Variants in C1orf74 observed in about 807,000 individuals in gnomAD.
The protein encoded by C1orf74 is chromosome 1 open reading frame 74, also known as UPF0739 protein C1orf74.
Under a neutral mutation model 7.3 loss-of-function variants are expected in C1orf74, and 5 were observed. The observed-to-expected ratio is 0.68, with a 90% CI of 0.36 to 1.44. C1orf74 has a LOEUF of 1.44. Ranked by LOEUF, C1orf74 falls within the 40% of genes most tolerant of loss-of-function variation. C1orf74 has a pLI of 0.04. For missense variants in C1orf74, 291 were observed against 314.3 expected (o/e 0.93, Z 0.56); for synonymous variants, 121 against 132.5 (o/e 0.91, Z 0.59).
In C1orf74 at chr1:209,783,081, A is replaced by G. The variant is rs144114068; in HGVS notation, c.554T>C (p.Phe185Ser). 1.4e-5 allele frequency: 23 copies of G among 1,614,182 alleles called. No individual in the cohort carries two copies. The highest frequency in any genetic ancestry group is 2.5e-6 in the Non-Finnish European group (3 of 1,180,028). The part of the protein sequence containing the change: ...ILLGYPVPYT[F>S]HLNQGDDNCL... The stretch of plus-strand genomic sequence containing the variant: ...GTTGTCATCTCCCTGGTTCAGGTGA[A>G]AGGTATAGGGAACAGGATAGCCCAG... Residue 185 changes from phenylalanine (F) to serine (S), a missense_variant, in exon 2 of 2, where the codon TTT becomes TCT. Coordinates refer to ENST00000294811, the MANE Select transcript of C1orf74 (RefSeq NM_152485.4).
chr1:209,780,514 G>A lies in C1orf74; in HGVS notation c.*2311C>T. The A allele has an allele frequency of 6.2e-7, 1 of 1,602,566 alleles. No homozygotes were observed. The highest frequency in any genetic ancestry group is 8.5e-7 in the Non-Finnish European group (1 of 1,174,186). On this transcript the variant is annotated 3_prime_UTR_variant, in exon 2 of 2. Coordinates refer to ENST00000294811, the MANE Select transcript of C1orf74 (RefSeq NM_152485.4). The stretch of plus-strand genomic sequence containing the variant: ...GAGTCCAAAGTCCTTCCCTAACGAA[G>A]TGGAGCCTGAGGGTACAGGGAAGGA...
Position 209,783,288 on chromosome 1 carries a change from T to C in C1orf74, c.347A>G (p.Asp116Gly). The C allele has an allele frequency of 6.2e-7, 1 of 1,614,128 alleles. No individual in the cohort carries two copies. The highest frequency in any genetic ancestry group is 1.1e-5 in the South Asian group (1 of 91,074). The change falls in exon 2 of 2, where the codon GAT (aspartate) becomes GGT (glycine). Residue 116 changes from aspartate (D) to glycine (G), a missense_variant. Physicochemically the swap from Asp to Gly is moderately conservative, Grantham distance 94 (BLOSUM62 -1). Transcript: ENST00000294811. ...QVLLGTIAFV[D>G]VSSCQRHPSV... is the part of the protein sequence containing the mutation. ...AGGGTGACGCTGGCAGCTGGAAACA[T>C]CCACAAAGGCTATGGTACCAAGCAG...
Position 209,781,357 on chromosome 1 carries a change from C to A in C1orf74, c.*1468G>T, listed in dbSNP as rs774943065. On this transcript the variant is annotated 3_prime_UTR_variant, in exon 2 of 2. Coordinates refer to ENST00000294811, the MANE Select transcript of C1orf74 (RefSeq NM_152485.4). Reference sequence around the variant, plus strand: ...ATGTTCTCCCCAGTGCAGAGAACTGCATTCAGAATTAGACAACCTCAGTGA... The same window carrying A: ...ATGTTCTCCCCAGTGCAGAGAACTGAATTCAGAATTAGACAACCTCAGTGA... The A allele has an allele frequency of 2.5e-6, 4 of 1,611,858 alleles. No homozygotes were observed. The South Asian group carries it at 4.4e-5, about 18-fold the overall frequency.
intron 1 of C1orf74, 125 bp from the exon 2 acceptor site, chr1:209,783,834 C>A: frequency 2.0e-6 from 1 of 503,980 alleles, no homozygotes; most frequent in Non-Finnish European, 3.6e-6. Context: ...ATAGTTTCAC[C>A]GATGCTGCTT....
At position 209,781,728 on chromosome 1, in the gene C1orf74, G is replaced by A. The variant is rs1442201005; in HGVS notation, c.*1097C>T. 8.3e-6 allele frequency: 4 copies of A among 483,688 alleles called. No homozygotes were observed. Among genetic ancestry groups the A allele is most frequent in the African/African-American group, 5.8e-5 (3 of 51,680 alleles). 30.0% of individuals were successfully genotyped at this position (483,688 alleles called of 1,614,324 possible). ...AGGGTGTTCTTTTAGCCGATGATAA[G>A]CATGGTGGCAAGAACAGAAGGACAC... On this transcript the variant is annotated 3_prime_UTR_variant, in exon 2 of 2. Transcript: ENST00000294811.
Position 209,780,594 on chromosome 1 carries a change from C to T in C1orf74, c.*2231G>A. The T allele has an allele frequency of 6.3e-7, 1 of 1,586,840 alleles. No homozygotes were observed. Among genetic ancestry groups the T allele is most frequent in the East Asian group, 2.3e-5 (1 of 43,420 alleles). The stretch of plus-strand genomic sequence containing the variant: ...AAAAGAAGACTTTGCAGCTCCAGGC[C>T]AAGGAAAAGGAGGTGAGAGGGTGAC... On this transcript the variant is annotated 3_prime_UTR_variant, in exon 2 of 2. Transcript: ENST00000294811.
chr1:209,781,548 G>A lies in C1orf74; in HGVS notation c.*1277C>T, dbSNP rs114736211. 1,423 of 893,776 alleles carry A rather than the reference G, an allele frequency of 1.6e-3. 3 individuals carry two copies. Among genetic ancestry groups the A allele is most frequent in the Non-Finnish European group, 2.3e-3 (1,247 of 548,246 alleles). 55.4% of individuals were successfully genotyped at this position (893,776 alleles called of 1,614,324 possible). ...TTGCACATAAAATATATCAGCCCAC[G>A]CCAACAACTGGCCATCCTGTCCCAC... On this transcript the variant is annotated 3_prime_UTR_variant, in exon 2 of 2. Coordinates refer to ENST00000294811, the MANE Select transcript of C1orf74 (RefSeq NM_152485.4).
chr1:209,783,460 T>A lies in C1orf74; in HGVS notation c.175A>T (p.Asn59Tyr). 6.2e-7 allele frequency: 1 copy of A among 1,614,138 alleles called. No homozygotes were observed. The highest frequency in any genetic ancestry group is 2.2e-5 in the East Asian group (1 of 44,878). The change falls in exon 2 of 2, where the codon AAC (asparagine) becomes TAC (tyrosine). Residue 59 changes from asparagine (N) to tyrosine (Y), a missense_variant. Transcript: ENST00000294811. Reference protein sequence around the residue: ...GLKPAVLYDCNCAGASELQSY... With the variant: ...GLKPAVLYDCYCAGASELQSY... ...TGGAGCTCTGATGCCCCTGCACAGT[T>A]GCAATCATAGAGCACAGCTGGCTTC...
chr1:209,781,438 A>T lies in C1orf74; in HGVS notation c.*1387T>A. On this transcript the variant is annotated 3_prime_UTR_variant, in exon 2 of 2. Transcript: ENST00000294811. ...GCACTGTCGAGAAGAGCTGAACCAG[A>T]GCCAGCAGCTGCCTCCCAGAGTAAG... 6.2e-7 allele frequency: 1 copy of T among 1,613,436 alleles called. No individual in the cohort carries two copies. The highest frequency in any genetic ancestry group is 1.1e-5 in the South Asian group (1 of 91,060).
At position 209,782,905 on chromosome 1, in the gene C1orf74, T is replaced by A; in HGVS notation, c.730A>T (p.Thr244Ser). Reference protein sequence around the residue: ...ILNTWEKDLRTRFRTQNDFAD... With the variant: ...ILNTWEKDLRSRFRTQNDFAD... ...AAGTCATTCTGAGTCCTAAATCGGG[T>A]TCTGAGGTCCTTCTCCCAGGTGTTT... The change falls in exon 2 of 2, where the codon ACC (threonine) becomes TCC (serine). Residue 244 changes from threonine (T) to serine (S), a missense_variant. Coordinates refer to ENST00000294811, the MANE Select transcript of C1orf74 (RefSeq NM_152485.4). 6.2e-7 allele frequency: 1 copy of A among 1,614,058 alleles called. No individual in the cohort carries two copies. Among genetic ancestry groups the A allele is most frequent in the Non-Finnish European group, 8.5e-7 (1 of 1,180,012 alleles).
chr1:209,783,109 G>A lies in C1orf74; in HGVS notation c.526C>T (p.Leu176Phe). The A allele has an allele frequency of 6.2e-7, 1 of 1,614,176 alleles. No homozygotes were observed. Among genetic ancestry groups the A allele is most frequent in the Non-Finnish European group, 8.5e-7 (1 of 1,180,038 alleles). ...GTATAGGGAACAGGATAGCCCAGGA[G>A]GATCCCAAATACAGTACACAGATTC... ...DWNLCTVFGI[L>F]LGYPVPYTFH... Residue 176 changes from leucine to phenylalanine, a missense_variant, in exon 2 of 2, where the codon CTC becomes TTC. Coordinates refer to ENST00000294811, the MANE Select transcript of C1orf74 (RefSeq NM_152485.4).
chr1:209,782,488 A>G lies in C1orf74; in HGVS notation c.*337T>C. On this transcript the variant is annotated 3_prime_UTR_variant, in exon 2 of 2. Transcript: ENST00000294811. ...GCACCCACATAGAGCAGGTATATTT[A>G]CAAGGTTACCATGCAAGAGTGTTTG... is the stretch of plus-strand genomic sequence containing the variant. 2.1e-6 allele frequency: 1 copy of G among 469,416 alleles called. No homozygotes were observed. Among genetic ancestry groups the G allele is most frequent in the Non-Finnish European group, 3.9e-6 (1 of 259,518 alleles). The allele number at this position is 469,416 out of a possible 1,614,324, so 29.1% of individuals were successfully genotyped here.
Position 209,783,582 on chromosome 1 carries a change from G to A in C1orf74, c.53C>T (p.Ala18Val). 2 of 1,611,766 alleles carry A rather than the reference G, an allele frequency of 1.2e-6. No individual in the cohort carries two copies. The highest frequency in any genetic ancestry group is 1.7e-6 in the Non-Finnish European group (2 of 1,179,144). Residue 18 changes from alanine to valine, a missense_variant, in exon 2 of 2, where the codon GCT becomes GTT. By Grantham distance (64) the Ala-to-Val change is moderately conservative (BLOSUM62 0). Coordinates refer to ENST00000294811, the MANE Select transcript of C1orf74 (RefSeq NM_152485.4). ...TCCCATGCCAAGGGTCTGCTGAGCA[G>A]CTGCCACCAGCAGCTGAGGGCTCGG... ...SSPSPQLLVA[A>V]AQQTLGMGKR...
In C1orf74 at chr1:209,783,261, G is replaced by A; in HGVS notation, c.374C>T (p.Ser125Phe). ...VDVSSCQRHP[S>F]VCSLDQLQDL... ...CTGAAGCTGGTCCAGGGAGCAGACA[G>A]AAGGGTGACGCTGGCAGCTGGAAAC... Residue 125 changes from serine to phenylalanine, a missense_variant, in exon 2 of 2, where the codon TCT becomes TTT. By Grantham distance (155) the Ser-to-Phe change is radical. Transcript: ENST00000294811. 2 of 1,614,204 alleles carry A rather than the reference G, an allele frequency of 1.2e-6. 1 individual carries two copies. The highest frequency in any genetic ancestry group is 3.3e-5 in the Admixed American group (2 of 60,018).
At position 209,783,264 on chromosome 1, in the gene C1orf74, G is replaced by A. The variant is rs754227770; in HGVS notation, c.371C>T (p.Pro124Leu). The A allele has an allele frequency of 1.2e-6, 2 of 1,614,198 alleles. No individual in the cohort carries two copies. Among genetic ancestry groups the A allele is most frequent in the Non-Finnish European group, 1.7e-6 (2 of 1,180,030 alleles). The change falls in exon 2 of 2, where the codon CCT becomes CTT. Residue 124 changes from proline (P) to leucine (L), a missense_variant. Pro to Leu is a moderately conservative substitution (Grantham distance 98). Transcript: ENST00000294811. ...FVDVSSCQRH[P>L]SVCSLDQLQD... ...AAGCTGGTCCAGGGAGCAGACAGAAGGGTGACGCTGGCAGCTGGAAACATC... is the reference window on the plus strand; with the variant it reads ...AAGCTGGTCCAGGGAGCAGACAGAAAGGTGACGCTGGCAGCTGGAAACATC...
chr1:209,780,683 G>A lies in C1orf74; in HGVS notation c.*2142C>T, dbSNP rs1172389265. 7.3e-7 allele frequency: 1 copy of A among 1,364,388 alleles called. No homozygotes were observed. Among genetic ancestry groups the A allele is most frequent in the Admixed American group, 2.7e-5 (1 of 37,428 alleles). 84.5% of individuals were successfully genotyped at this position (1,364,388 alleles called of 1,614,324 possible). ...ACCTGGGAGGCAGTCAAAAAGCAGG[G>A]ATTTCAAAGTTTAAGTTGTGAGTGG... On this transcript the variant is annotated 3_prime_UTR_variant, in exon 2 of 2. Transcript: ENST00000294811.
Position 209,782,994 on chromosome 1 carries a change from G to C in C1orf74, c.641C>G (p.Pro214Arg), listed in dbSNP as rs761364416. 3.7e-6 allele frequency: 6 copies of C among 1,614,180 alleles called. No individual in the cohort carries two copies. Among genetic ancestry groups the C allele is most frequent in the Non-Finnish European group, 5.1e-6 (6 of 1,180,040 alleles). The change falls in exon 2 of 2, where the codon CCC becomes CGC. Residue 214 changes from proline to arginine, a missense_variant. Coordinates refer to ENST00000294811, the MANE Select transcript of C1orf74 (RefSeq NM_152485.4). ...TARISWLLGQPPILLYSFSVP... is the reference protein window; with the variant it reads ...TARISWLLGQRPILLYSFSVP... The stretch of plus-strand genomic sequence containing the variant: ...ACTAAAAGAATAGAGCAGGATTGGG[G>C]GTTGACCTAGCAACCATGAGATCCG...
chr1:209,783,639 A>G lies in C1orf74; in HGVS notation c.-5T>C. On this transcript the variant is annotated 5_prime_UTR_variant, in exon 2 of 2. Transcript: ENST00000294811. Reference sequence around the variant, plus strand: ...CATGAGATCTAGAAGCAACATCAAGAATGGCCTCCTTAGCTAGCCCGAGTT... The same window carrying G: ...CATGAGATCTAGAAGCAACATCAAGGATGGCCTCCTTAGCTAGCCCGAGTT... 1 of 1,568,616 alleles carries G rather than the reference A, an allele frequency of 6.4e-7. No individual in the cohort carries two copies. Among genetic ancestry groups the G allele is most frequent in the East Asian group, 2.2e-5 (1 of 44,448 alleles).
rs1239553675 is a variant in C1orf74, at chr1:209,780,704, A to C, written c.*2121T>G. 1.7e-6 allele frequency: 2 copies of C among 1,168,188 alleles called. No homozygotes were observed. The highest frequency in any genetic ancestry group is 2.3e-6 in the Non-Finnish European group (2 of 873,130). 72.4% of individuals were successfully genotyped at this position (1,168,188 alleles called of 1,614,324 possible). A position where few individuals can be genotyped will look rare whatever the true frequency, so the allele number is the denominator to read the frequency against. On this transcript the variant is annotated 3_prime_UTR_variant, in exon 2 of 2. Coordinates refer to ENST00000294811, the MANE Select transcript of C1orf74 (RefSeq NM_152485.4). ...CAGGGATTTCAAAGTTTAAGTTGTG[A>C]GTGGATAACCACAGACATTCATTTG...
Sources: allele counts gnomAD v4.1 joint callset, GRCh38; gene constraint gnomAD v4.1.1; transcripts MANE v1.5; gene names NCBI Gene and HGNC (gene_info 2026-07-23, HGNC 2026-07-21).